Variants in SRGAP1 observed in about 807,000 individuals in gnomAD.
SRGAP1 encodes the protein SLIT-ROBO Rho GTPase-activating protein 1.
SRGAP1 carries 43 observed loss-of-function variants against 121.9 expected under a neutral mutation model. The ratio of observed to expected loss-of-function variants is 0.35; its 90% CI spans 0.28 to 0.46. The LOEUF (loss-of-function observed/expected upper bound fraction) is 0.46, where lower values mean the gene tolerates loss of function less well. SRGAP1 is among the 20% of genes least tolerant of loss of function. The probability of loss-of-function intolerance (pLI) is 1.00; values close to 1 mark genes in which losing one functional copy is unlikely to be tolerated. For missense variants in SRGAP1, 1,102 were observed against 1,350.9 expected, an observed-to-expected ratio of 0.82 and a Z score of 2.89; for synonymous variants, 447 against 485.4, an observed-to-expected ratio of 0.92 and a Z score of 1.04.
intron 3 of SRGAP1, among the ~76,000 whole-genome samples, chr12:64,010,507 C>T (rs183208792): frequency 6.6e-6 from 1 of 152,162 alleles, no homozygotes; most frequent in African/African-American, 2.4e-5. Context: ...GTATGTCTGG[C>T]GTCTTTGTGA....
At chr12:64,126,855 AAT>A (rs1389781864) in intron 19 of SRGAP1, among the ~76,000 whole-genome samples, 2 of 152,226 alleles carry the variant, frequency 1.3e-5, no homozygotes, top group African/African-American at 4.8e-5. Context: ...TCATATATAA[AAT>A]AAATTTGCAT....
chr12:64,079,481 A>G (rs536686598), intron 9 of SRGAP1, among the ~76,000 whole-genome samples: 2 of 148,078 alleles, frequency 1.4e-5, no homozygotes, highest in African/African-American at 2.4e-5. Flanking sequence ...ATATATATAT[A>G]TTTATATTTA....
intron 18 of SRGAP1, among the ~76,000 whole-genome samples, chr12:64,124,571 T>G (rs2036657742): frequency 6.6e-6 from 1 of 152,204 alleles, no homozygotes; most frequent in Non-Finnish European, 1.5e-5. Flanking sequence ...CTTTGTTGAT[T>G]ACAAGGCTAA....
chr12:63,948,855 TATATATATATTCCATATATATATTTTCC>T lies in SRGAP1; in HGVS notation c.68-35081_68-35054del, dbSNP rs1565963890. Among the ~76,000 whole-genome samples, 15 of 121,912 alleles carry T rather than the reference TATATATATATTCCATATATATATTTTCC, an allele frequency of 1.2e-4. No individual in the cohort carries two copies. In the South Asian group the frequency reaches 1.8e-3, roughly 14 times the overall value. The allele number at this position is 121,912 out of a possible 152,430, so 80.0% of individuals were successfully genotyped here. A position where few individuals can be genotyped will look rare whatever the true frequency, so the allele number is the denominator to read the frequency against. On this transcript the variant is annotated intron_variant, in intron 1 of 21. Transcript: ENST00000355086. Reference sequence around the variant, plus strand: ...ATATATTCCATATATATATTTTCCATATATATATATTCCATATATATATTTTCCATATATATATATTCCATATATATAT... The same window carrying T: ...ATATATTCCATATATATATTTTCCATATATATATATATTCCATATATATAT...
rs759395187 is a variant in SRGAP1 at position 64,149,981 on chromosome 12, C to T, written c.*7309C>T. On this transcript the variant is annotated 3_prime_UTR_variant, in exon 22 of 22. Transcript: ENST00000355086. Reference sequence around the variant, plus strand: ...AATATTTTTGCTCACTTAATAATCACGGTGAGGTTCATCACCTCTTCAGTA... The same window carrying T: ...AATATTTTTGCTCACTTAATAATCATGGTGAGGTTCATCACCTCTTCAGTA... 3 of 152,138 alleles carry T rather than the reference C, an allele frequency of 2.0e-5. No individual in the cohort carries two copies. The highest frequency in any genetic ancestry group is 1.9e-4 in the East Asian group (1 of 5,190). The allele number at this position is 152,138 out of a possible 1,614,324, so 9.4% of individuals were successfully genotyped here.
In SRGAP1 at chr12:64,097,332, C is replaced by T. The variant is rs2036176466; in HGVS notation, c.1770C>T (p.Pro590=). 1 of 1,613,326 alleles carries T rather than the reference C, an allele frequency of 6.2e-7. No individual in the cohort carries two copies. The highest frequency in any genetic ancestry group is 1.1e-5 in the South Asian group (1 of 91,000). Reference sequence around the variant, plus strand: ...TCTATTTCCGTGGGCTGGAAAACCCCCTCTTTCCTAAGGAAAGATTTAACG... The same window carrying T: ...TCTATTTCCGTGGGCTGGAAAACCCTCTCTTTCCTAAGGAAAGATTTAACG... ...LKLYFRGLEN[P]LFPKERFNDL... is the part of the protein sequence containing the mutation. Residue 590 remains proline (P), a synonymous_variant, in exon 15 of 22, where the codon CCC becomes CCT. Coordinates refer to ENST00000355086, the MANE Select transcript of SRGAP1 (RefSeq NM_020762.4).
chr12:64,072,104 C>CTGTGTGTG (rs1367106043), intron 8 of SRGAP1, among the ~76,000 whole-genome samples: 1 of 40,804 alleles, frequency 2.5e-5, no homozygotes, highest in African/African-American at 7.9e-5. Context: ...GACCCAATCT[C>CTGTGTGTG]TCTCTGTGTG....
At chr12:64,095,307 T>G in intron 14 of SRGAP1, 103 bp downstream of exon 14, 1 of 943,538 alleles carries the variant, frequency 1.1e-6, no homozygotes, top group Non-Finnish European at 1.7e-6. Flanking sequence ...AACCTTTCTT[T>G]GTATGTACTG....
chr12:64,058,927 G>A (rs919163518), intron 6 of SRGAP1, among the ~76,000 whole-genome samples: 1 of 152,104 alleles, frequency 6.6e-6, no homozygotes, highest in African/African-American at 2.4e-5. Context: ...AACCTAGAGT[G>A]TAGAAATGCT....
intron 6 of SRGAP1, among the ~76,000 whole-genome samples, chr12:64,060,578 C>G (rs983679899): frequency 5.3e-5 from 8 of 151,972 alleles, no homozygotes; most frequent in Non-Finnish European, 8.8e-5. Flanking sequence ...TTTTAAATAG[C>G]AAGATTTTAG....
intron 4 of SRGAP1, among the ~76,000 whole-genome samples, chr12:64,041,395 A>T (rs574327207): frequency 7.8e-4 from 89 of 114,802 alleles, no homozygotes; most frequent in East Asian, 4.3e-3. Flanking sequence ...TTATTTATTT[A>T]TTTTTTTGAG....
At chr12:63,986,183 T>C (rs1056945560) in intron 2 of SRGAP1, among the ~76,000 whole-genome samples, 3 of 151,592 alleles carry the variant, frequency 2.0e-5, no homozygotes, top group African/African-American at 7.3e-5. Context: ...CCTTTCTCTC[T>C]TCTCTCTCTT....
At chr12:63,971,225 C>G (rs2136392251) in intron 1 of SRGAP1, among the ~76,000 whole-genome samples, 1 of 152,300 alleles carries the variant, frequency 6.6e-6, no homozygotes. Context: ...ATAGTACTTT[C>G]TTCATGCTTC....
At chr12:64,002,383 G>T (rs2033928956) in intron 3 of SRGAP1, among the ~76,000 whole-genome samples, 1 of 152,126 alleles carries the variant, frequency 6.6e-6, no homozygotes, top group Non-Finnish European at 1.5e-5. Flanking sequence ...TTTATTTTCT[G>T]TCTGTCCTGC....
At chr12:63,890,128 C>G (rs979505870) in intron 1 of SRGAP1, among the ~76,000 whole-genome samples, 4 of 152,124 alleles carry the variant, frequency 2.6e-5, no homozygotes, top group African/African-American at 9.7e-5. Context: ...GGCCCTGATA[C>G]CTGGCCCAGA....
intron 8 of SRGAP1, among the ~76,000 whole-genome samples, chr12:64,071,906 CATT>C (rs1442951466): frequency 6.6e-6 from 1 of 151,028 alleles, no homozygotes; most frequent in Non-Finnish European, 1.5e-5. Context: ...GGGCAGCAAA[CATT>C]GTTTTTTTCA....
At chr12:63,969,879 C>T (rs2032894791) in intron 1 of SRGAP1, among the ~76,000 whole-genome samples, 1 of 151,906 alleles carries the variant, frequency 6.6e-6, no homozygotes, top group Non-Finnish European at 1.5e-5. Context: ...CCCACTAGAG[C>T]CCATGTTTCC....
At chr12:63,941,710 G>A (rs1405244908) in intron 1 of SRGAP1, among the ~76,000 whole-genome samples, 1 of 151,468 alleles carries the variant, frequency 6.6e-6, no homozygotes, top group African/African-American at 2.4e-5. Context: ...TCCTTTGAGT[G>A]GAAAGCCTTT....
intron 1 of SRGAP1, among the ~76,000 whole-genome samples, chr12:63,869,730 C>T (rs1899785676): frequency 6.6e-6 from 1 of 152,132 alleles, no homozygotes; most frequent in Non-Finnish European, 1.5e-5. Flanking sequence ...TGCCTGAAAT[C>T]CTGTATGAAA....
Sources: gnomAD v4.1 joint callset for allele counts (sites outside exome capture counted in the v4.1 genomes callset) on GRCh38, gnomAD v4.1.1 for gene constraint, MANE v1.5 for transcripts, NCBI Gene and HGNC (gene_info 2026-07-23, HGNC 2026-07-21) for gene names.